Variants in ZDHHC14 observed in about 807,000 individuals in gnomAD.
ZDHHC14 encodes the protein zDHHC palmitoyltransferase 14, also known as palmitoyltransferase ZDHHC14.
Under a neutral mutation model 47.7 loss-of-function variants are expected in ZDHHC14, and 16 were observed. The ratio of observed to expected loss-of-function variants is 0.34; its 90% CI spans 0.23 to 0.51. ZDHHC14 has a LOEUF of 0.51. Among genes scored for constraint, ZDHHC14 ranks in the 20% least tolerant of loss-of-function variants. ZDHHC14 has a pLI of 0.97. For missense variants in ZDHHC14, 515 were observed against 662.5 expected (o/e 0.78, Z 2.44); for synonymous variants, 293 against 278.9 (o/e 1.05, Z -0.50).
At chr6:157,457,376 C>T (rs1778945694) in intron 1 of ZDHHC14, among the ~76,000 whole-genome samples, 1 of 152,076 alleles carries the variant, frequency 6.6e-6, no homozygotes, top group Non-Finnish European at 1.5e-5. Flanking sequence ...GTTTTGTGAT[C>T]ATTTGGGAAT....
chr6:157,567,958 G>A (rs1272483748), intron 2 of ZDHHC14, among the ~76,000 whole-genome samples: 1 of 152,194 alleles, frequency 6.6e-6, no homozygotes, highest in Non-Finnish European at 1.5e-5. Flanking sequence ...TTCAAGAGCT[G>A]CAGGTGGCCC....
intron 1 of ZDHHC14, among the ~76,000 whole-genome samples, chr6:157,539,864 T>C (rs1398068172): frequency 6.7e-6 from 1 of 150,046 alleles, no homozygotes; most frequent in African/African-American, 2.5e-5. Context: ...ATTATTACTC[T>C]TTCATTTGCT....
intron 2 of ZDHHC14, among the ~76,000 whole-genome samples, chr6:157,583,908 G>C (rs748942391): frequency 6.7e-6 from 1 of 149,180 alleles, no homozygotes; most frequent in Non-Finnish European, 1.5e-5. Flanking sequence ...CAATCATTGC[G>C]ATTGGCCTGG....
intron 5 of ZDHHC14, among the ~76,000 whole-genome samples, chr6:157,635,882 G>A (rs1421218966): frequency 6.6e-6 from 1 of 152,202 alleles, no homozygotes; most frequent in Non-Finnish European, 1.5e-5. Flanking sequence ...CTCGGATGGA[G>A]GTAAAGAGTT....
At chr6:157,396,386 T>C (rs1432269514) in intron 1 of ZDHHC14, among the ~76,000 whole-genome samples, 3 of 152,180 alleles carry the variant, frequency 2.0e-5, no homozygotes, top group Non-Finnish European at 4.4e-5. Flanking sequence ...TGGGGTCTTT[T>C]AATGCCATGA....
intron 1 of ZDHHC14, among the ~76,000 whole-genome samples, chr6:157,497,052 C>T (rs925031945): frequency 4.6e-5 from 7 of 152,210 alleles, no homozygotes; most frequent in South Asian, 2.1e-4. Flanking sequence ...GAAGGAGCTG[C>T]GGGACTACAG....
intron 1 of ZDHHC14, among the ~76,000 whole-genome samples, chr6:157,383,251 C>T (rs1225371949): frequency 6.6e-6 from 1 of 152,136 alleles, no homozygotes; most frequent in African/African-American, 2.4e-5. Flanking sequence ...TTTCTGGTAT[C>T]CTATGTTCAA....
rs776090593 is a variant in ZDHHC14, at chr6:157,672,759, C to T, written c.1104C>T (p.Phe368=). ...ACCAGTGCATTCAGAGCACCAAATT[C>T]GTTTTGCAGGCTGCAGCCACGCCCC... The part of the protein sequence containing the change: ...DQDQCIQSTK[F]VLQAAATPLL... Residue 368 remains phenylalanine (F), a synonymous_variant, in exon 9 of 9, where the codon TTC becomes TTT. Transcript: ENST00000359775. 6.2e-7 allele frequency: 1 copy of T among 1,612,438 alleles called. No homozygotes were observed. Among genetic ancestry groups the T allele is most frequent in the Non-Finnish European group, 8.5e-7 (1 of 1,179,686 alleles).
intron 1 of ZDHHC14, among the ~76,000 whole-genome samples, chr6:157,479,826 G>A (rs373545785): frequency 1.3e-5 from 2 of 152,234 alleles, no homozygotes; most frequent in African/African-American, 4.8e-5. Flanking sequence ...AGAGAGAGCT[G>A]GAAGGCTGGT....
chr6:157,572,491 T>C (rs901578269), intron 2 of ZDHHC14, among the ~76,000 whole-genome samples: 2 of 152,194 alleles, frequency 1.3e-5, no homozygotes, highest in African/African-American at 4.8e-5. Flanking sequence ...CTAACCTTTT[T>C]TTTTATTTTA....
chr6:157,623,163 A>G (rs1227242497), intron 3 of ZDHHC14, among the ~76,000 whole-genome samples: 1 of 152,120 alleles, frequency 6.6e-6, no homozygotes, highest in African/African-American at 2.4e-5. Context: ...ATCTTTTGAT[A>G]TGGTTAGGCT....
intron 2 of ZDHHC14, among the ~76,000 whole-genome samples, chr6:157,576,598 A>G (rs1018347777): frequency 1.3e-5 from 2 of 152,252 alleles, no homozygotes; most frequent in Non-Finnish European, 2.9e-5. Context: ...GATGTGTTAG[A>G]TCCACCAGCT....
intron 1 of ZDHHC14, among the ~76,000 whole-genome samples, chr6:157,400,569 T>A (rs2114745484): frequency 6.6e-6 from 1 of 152,314 alleles, no homozygotes; most frequent in Admixed American, 6.5e-5. Context: ...ATATTTCACT[T>A]AAATAATGCT....
intron 1 of ZDHHC14, among the ~76,000 whole-genome samples, chr6:157,484,274 TA>T (rs1450622425): frequency 4.7e-4 from 64 of 134,746 alleles, no homozygotes; most frequent in Non-Finnish European, 9.3e-4. Flanking sequence ...TATATGTATA[TA>T]TACGTATATA....
At chr6:157,543,087 T>A (rs2365608) in intron 2 of ZDHHC14, among the ~76,000 whole-genome samples, 61,865 of 151,976 alleles carry the variant, frequency 0.41, 12,682 homozygotes, top group Admixed American at 0.45. Flanking sequence ...TGCTGCCCTT[T>A]CTCCCTTTTG....
At chr6:157,521,592 G>T (rs908503428) in intron 1 of ZDHHC14, among the ~76,000 whole-genome samples, 1 of 152,200 alleles carries the variant, frequency 6.6e-6, no homozygotes, top group Non-Finnish European at 1.5e-5. Context: ...GCTCTTTGGG[G>T]CCTCTTTTAC....
At chr6:157,389,119 T>TA (rs537264708) in intron 1 of ZDHHC14, among the ~76,000 whole-genome samples, 3,869 of 152,210 alleles carry the variant, frequency 0.025, 184 homozygotes, top group African/African-American at 0.089. Context: ...GCATAGTACT[T>TA]AAAGCAGTCT....
intron 1 of ZDHHC14, among the ~76,000 whole-genome samples, chr6:157,489,558 T>C (rs1394209742): frequency 7.2e-6 from 1 of 138,276 alleles, no homozygotes; most frequent in Non-Finnish European, 1.6e-5. Context: ...AGGTGCAGTC[T>C]CGATTCTGAA....
At chr6:157,668,365 G>A (rs1778642955) in intron 8 of ZDHHC14, among the ~76,000 whole-genome samples, 1 of 152,068 alleles carries the variant, frequency 6.6e-6, no homozygotes, top group Non-Finnish European at 1.5e-5. Flanking sequence ...ATTTCTGAGT[G>A]ACTTCTATAT....
Sources: gnomAD v4.1 joint callset for allele counts (sites outside exome capture counted in the v4.1 genomes callset) on GRCh38, gnomAD v4.1.1 for gene constraint, MANE v1.5 for transcripts, NCBI Gene and HGNC (gene_info 2026-07-23, HGNC 2026-07-21) for gene names.